SMAP1: variants seen among roughly 807,000 people sequenced by gnomAD.
The protein encoded by SMAP1 is small ArfGAP 1.
SMAP1 carries 24 observed loss-of-function variants against 58.5 expected under a neutral mutation model. The ratio of observed to expected loss-of-function variants is 0.41; its 90% CI spans 0.30 to 0.58. The LOEUF (loss-of-function observed/expected upper bound fraction) is 0.58. Among genes scored for constraint, SMAP1 ranks in the 20% least tolerant of loss-of-function variants. The probability of loss-of-function intolerance (pLI) is 0.29; values close to 1 mark genes in which losing one functional copy is unlikely to be tolerated. For synonymous variants in SMAP1, 216 were observed against 196.6 expected, an observed-to-expected ratio of 1.10 and a Z score of -0.82; for missense variants, 563 against 566.3, an observed-to-expected ratio of 0.99 and a Z score of 0.06.
chr6:70,686,956 T>G (rs1766960870), intron 1 of SMAP1, among the ~76,000 whole-genome samples: 1 of 152,194 alleles, frequency 6.6e-6, no homozygotes, highest in Non-Finnish European at 1.5e-5. Flanking sequence ...CCTAATATAC[T>G]GATGATGATG....
intron 7 of SMAP1, among the ~76,000 whole-genome samples, chr6:70,849,504 C>G (rs1771107696): frequency 6.6e-6 from 1 of 152,108 alleles, no homozygotes; most frequent in South Asian, 2.1e-4. Context: ...AGTTATGTTG[C>G]AGTGAAGGGA....
chr6:70,713,241 T>C (rs1008936578), intron 1 of SMAP1, among the ~76,000 whole-genome samples: 8 of 152,234 alleles, frequency 5.3e-5, no homozygotes, highest in Non-Finnish European at 1.0e-4. Context: ...TTGATTTTTT[T>C]TCCTGTGGTT....
At chr6:70,751,010 C>T (rs991460273) in intron 2 of SMAP1, among the ~76,000 whole-genome samples, 2 of 152,096 alleles carry the variant, frequency 1.3e-5, no homozygotes, top group East Asian at 1.9e-4. Context: ...GAGGCCCAGG[C>T]GGGCAGATCA....
At chr6:70,710,878 C>CT (rs1194082170) in intron 1 of SMAP1, among the ~76,000 whole-genome samples, 2 of 151,950 alleles carry the variant, frequency 1.3e-5, no homozygotes, top group Non-Finnish European at 2.9e-5. Context: ...ACTTTTTAAG[C>CT]TTTTTTTGTT....
At chr6:70,818,222 C>T (rs965213970) in intron 6 of SMAP1, among the ~76,000 whole-genome samples, 1 of 149,816 alleles carries the variant, frequency 6.7e-6, no homozygotes, top group Admixed American at 6.6e-5. Flanking sequence ...AGTGAAACCC[C>T]GTCTCTACTA....
chr6:70,839,820 CT>C (rs979766053), intron 7 of SMAP1, among the ~76,000 whole-genome samples: 13 of 151,598 alleles, frequency 8.6e-5, no homozygotes, highest in African/African-American at 2.2e-4. Flanking sequence ...TATTTTCAGA[CT>C]TTTTTTTTAA....
intron 7 of SMAP1, among the ~76,000 whole-genome samples, chr6:70,843,823 G>A (rs903540522): frequency 1.3e-5 from 2 of 152,190 alleles, no homozygotes; most frequent in Admixed American, 1.3e-4. Flanking sequence ...TGTGCTTTAT[G>A]TGAAGCACCT....
chr6:70,837,847 T>A, intron 7 of SMAP1: 1 of 1,270,512 alleles, frequency 7.9e-7, no homozygotes. Context: ...TTGACCTTCA[T>A]GTACTGCTTT....
At chr6:70,668,255 G>A (rs1166347292) in intron 1 of SMAP1, 114 bp downstream of exon 1, 2 of 989,828 alleles carry the variant, frequency 2.0e-6, no homozygotes, top group East Asian at 2.9e-5. Context: ...GCCGGCTCCT[G>A]CCCTGACTGG....
chr6:70,859,629 G>T, intron 10 of SMAP1: 1 of 360,982 alleles, frequency 2.8e-6, no homozygotes, highest in Non-Finnish European at 5.0e-6. Flanking sequence ...GAATCACAGG[G>T]TTAAGATGCT....
At chr6:70,857,840 A>G (rs1440631719) in intron 9 of SMAP1, 82 bp from the exon 10 acceptor site, 9 of 1,499,460 alleles carry the variant, frequency 6.0e-6, no homozygotes, top group Middle Eastern at 2.3e-4. Flanking sequence ...TAGTTCAGAA[A>G]GGCAATTTTT....
chr6:70,845,389 A>G (rs1770950358), intron 7 of SMAP1, among the ~76,000 whole-genome samples: 1 of 152,212 alleles, frequency 6.6e-6, no homozygotes, highest in Admixed American at 6.5e-5. Context: ...ATTGAGGGAA[A>G]AGATGGGATT....
intron 4 of SMAP1, among the ~76,000 whole-genome samples, chr6:70,790,509 CT>C (rs562004125): frequency 3.3e-5 from 5 of 151,268 alleles, no homozygotes; most frequent in East Asian, 3.9e-4. Flanking sequence ...TCGACTTTGC[CT>C]TTTTTTTATG....
At chr6:70,754,399 T>C (rs1333957043) in intron 2 of SMAP1, among the ~76,000 whole-genome samples, 2 of 152,090 alleles carry the variant, frequency 1.3e-5, no homozygotes, top group African/African-American at 2.4e-5. Context: ...ACTGAACTTA[T>C]ATGTAAAGTT....
chr6:70,755,328 A>G (rs1766442582), intron 3 of SMAP1, among the ~76,000 whole-genome samples: 1 of 152,006 alleles, frequency 6.6e-6, no homozygotes, highest in East Asian at 1.9e-4. Flanking sequence ...CACAATGATT[A>G]TTTGACTTAC....
chr6:70,695,182 G>A (rs1379299064), intron 1 of SMAP1, among the ~76,000 whole-genome samples: 1 of 152,080 alleles, frequency 6.6e-6, no homozygotes, highest in African/African-American at 2.4e-5. Context: ...TAGTTTTTTG[G>A]TAGGGTCTTT....
At chr6:70,771,034 G>A (rs1767273587) in intron 3 of SMAP1, among the ~76,000 whole-genome samples, 1 of 152,126 alleles carries the variant, frequency 6.6e-6, no homozygotes, top group African/African-American at 2.4e-5. Context: ...TGTTTGCCTG[G>A]GTACCAGCAG....
chr6:70,681,056 T>C lies in SMAP1; in HGVS notation c.118+12915T>C, dbSNP rs551228672. Among the ~76,000 whole-genome samples the C allele has an allele frequency of 2.6e-5, 4 of 151,720 alleles. No homozygotes were observed. In the South Asian group the frequency reaches 8.3e-4, roughly 32 times the overall value. ...TTTCTATTAAATAAAAGGATAAAACTTATAGGGACAGAAAACAGGTCAGTG... is the reference window on the plus strand; with the variant it reads ...TTTCTATTAAATAAAAGGATAAAACCTATAGGGACAGAAAACAGGTCAGTG... On this transcript the variant is annotated intron_variant, in intron 1 of 10. Transcript: ENST00000370455.
chr6:70,848,740 TTTAA>T (rs994627561), intron 7 of SMAP1, among the ~76,000 whole-genome samples: 6 of 152,354 alleles, frequency 3.9e-5, no homozygotes, highest in Middle Eastern at 3.4e-3. Context: ...ATAACGAGTC[TTTAA>T]TTGTCTTTTT....
Sources: gnomAD v4.1 joint callset for allele counts (sites outside exome capture counted in the v4.1 genomes callset) on GRCh38, gnomAD v4.1.1 for gene constraint, MANE v1.5 for transcripts, NCBI Gene and HGNC (gene_info 2026-07-23, HGNC 2026-07-21) for gene names.